USP39: variants seen among roughly 807,000 people sequenced by gnomAD.
USP39 encodes ubiquitin carboxyl-terminal hydrolase 39.
Under a neutral mutation model 66.4 loss-of-function variants are expected in USP39, and 38 were observed. The observed-to-expected ratio is 0.57, with a 90% CI of 0.44 to 0.75. USP39 has a LOEUF of 0.75. Ranked by LOEUF, USP39 falls within the 30% of genes least tolerant of loss-of-function variation. USP39 has a pLI of 0.00. For synonymous variants in USP39, 303 were observed against 274.6 expected (o/e 1.10, Z -1.02); for missense variants, 608 against 714.4 (o/e 0.85, Z 1.70).
intron 6 of USP39, among the ~76,000 whole-genome samples, chr2:85,632,117 T>C (rs1359014686): frequency 6.6e-6 from 1 of 152,190 alleles, no homozygotes; most frequent in African/African-American, 2.4e-5. Context: ...GCGGACAGTG[T>C]AACTTTGTAC....
At chr2:85,644,278 A>C (rs1043331758) in intron 10 of USP39, among the ~76,000 whole-genome samples, 1 of 152,154 alleles carries the variant, frequency 6.6e-6, no homozygotes, top group Admixed American at 6.6e-5. Context: ...TTTATGATGC[A>C]ATGTCTTTTT....
chr2:85,621,647 G>C, intron 3 of USP39, 68 bp downstream of exon 3: 1 of 1,215,440 alleles, frequency 8.2e-7, no homozygotes, highest in South Asian at 1.3e-5. Context: ...TTTAAAGAAA[G>C]TAAGCTGTTC....
chr2:85,618,575 CA>C lies in USP39; in HGVS notation c.269-635del, dbSNP rs994160298. ...AGACTCCGTCTCAAAAAAAAAAAAA[CA>C]AAAAAAAAACGAAACACACAACTAT... On this transcript the variant is annotated intron_variant, in intron 1 of 12. Transcript: ENST00000323701. Among the ~76,000 whole-genome samples, 22 of 136,918 alleles carry C rather than the reference CA, an allele frequency of 1.6e-4. 1 individual carries two copies. In the East Asian group the frequency reaches 4.8e-3, roughly 30 times the overall value. The allele number at this position is 136,918 out of a possible 152,430, so 89.8% of individuals were successfully genotyped here. A position where few individuals can be genotyped will look rare whatever the true frequency, so the allele number is the denominator to read the frequency against.
chr2:85,632,880 G>T (rs551878381), intron 6 of USP39, among the ~76,000 whole-genome samples: 8 of 152,260 alleles, frequency 5.3e-5, no homozygotes, highest in African/African-American at 1.9e-4. Context: ...AAGAGACCCT[G>T]AGTTTTAGGT....
intron 1 of USP39, among the ~76,000 whole-genome samples, chr2:85,603,892 C>G (rs1289053197): frequency 6.6e-6 from 1 of 152,144 alleles, no homozygotes; most frequent in Non-Finnish European, 1.5e-5. Context: ...TGCGCCTGGC[C>G]CGGATGTTTC....
At chr2:85,612,108 G>GC (rs532822784), upstream of USP39, 1,858 of 959,096 alleles carry the variant, frequency 1.9e-3, 29 homozygotes, top group South Asian at 0.02. Context: ...GGTCTGGGAG[G>GC]CCCCGGCCTG....
At chr2:85,642,379 G>A (rs1676301294) in intron 10 of USP39, among the ~76,000 whole-genome samples, 1 of 152,194 alleles carries the variant, frequency 6.6e-6, no homozygotes, top group South Asian at 2.1e-4. Context: ...TTCAGCACTA[G>A]CCTCTTGTGA....
At chr2:85,628,290 T>A (rs1337176362) in intron 5 of USP39, among the ~76,000 whole-genome samples, 3 of 151,926 alleles carry the variant, frequency 2.0e-5, no homozygotes, top group South Asian at 2.1e-4. Context: ...GGACTACAGG[T>A]GCGTGCCACC....
At position 85,619,290 on chromosome 2, in the gene USP39, G is replaced by T. The variant is rs1674268777; in HGVS notation, c.338+1G>T. ...GCCCGTACCTGGACACCATTAACAG[G>T]TCAGTAGGACAGAGATGCTGAGTAT... On this transcript the variant is annotated splice_donor_variant, in intron 2 of 12. Coordinates refer to ENST00000323701, the MANE Select transcript of USP39 (RefSeq NM_006590.4). LOFTEE classifies it high-confidence loss of function. The T allele has an allele frequency of 6.2e-7, 1 of 1,613,108 alleles. No individual in the cohort carries two copies. Among genetic ancestry groups the T allele is most frequent in the Non-Finnish European group, 8.5e-7 (1 of 1,179,718 alleles).
chr2:85,609,277 G>C (rs147787865), upstream of USP39, among the ~76,000 whole-genome samples: 84 of 152,348 alleles, frequency 5.5e-4, no homozygotes, highest in African/African-American at 2.0e-3. Flanking sequence ...TGAGATGGGA[G>C]TGAGTTGTGC....
chr2:85,621,857 T>A (rs965230063), intron 3 of USP39, among the ~76,000 whole-genome samples: 16 of 122,350 alleles, frequency 1.3e-4, no homozygotes, highest in South Asian at 2.8e-4. Flanking sequence ...TTTACTTTTT[T>A]AAAATTATTT....
At chr2:85,627,559 G>C (rs1310671726) in intron 5 of USP39, among the ~76,000 whole-genome samples, 1 of 152,048 alleles carries the variant, frequency 6.6e-6, no homozygotes, top group Non-Finnish European at 1.5e-5. Flanking sequence ...GGGAGGCCAA[G>C]GTGGCAGGGT....
chr2:85,648,776 G>A lies in USP39; in HGVS notation c.1666G>A (p.Asp556Asn). ...TTTCTTACAGATTTGGAAGAGGCGAGATAATGATGAAACCAACCAGCAGGG... is the reference window on the plus strand; with the variant it reads ...TTTCTTACAGATTTGGAAGAGGCGAAATAATGATGAAACCAACCAGCAGGG... ...EAYIQIWKRRDNDETNQQGA is the reference protein window; with the variant it reads ...EAYIQIWKRRNNDETNQQGA The change falls in exon 13 of 13, where the codon GAT becomes AAT. Residue 556 changes from aspartate to asparagine, a missense_variant. Coordinates refer to ENST00000323701, the MANE Select transcript of USP39 (RefSeq NM_006590.4). The A allele has an allele frequency of 1.9e-6, 3 of 1,614,156 alleles. No individual in the cohort carries two copies. Among genetic ancestry groups the A allele is most frequent in the South Asian group, 1.1e-5 (1 of 91,084 alleles).
intron 8 of USP39, 116 bp downstream of exon 8, chr2:85,637,552 A>G (rs1012316862): frequency 2.8e-6 from 3 of 1,085,864 alleles, no homozygotes; most frequent in Non-Finnish European, 4.1e-6. Context: ...GAGGTTCAAC[A>G]AAGCACCTGC....
At chr2:85,603,497 C>G (rs970213901) in intron 1 of USP39, among the ~76,000 whole-genome samples, 7 of 151,728 alleles carry the variant, frequency 4.6e-5, no homozygotes, top group African/African-American at 1.7e-4. Flanking sequence ...GAAAAGGAAA[C>G]AGGATAGTGT....
chr2:85,635,657 GT>G (rs1311535138), intron 6 of USP39, among the ~76,000 whole-genome samples: 1 of 152,160 alleles, frequency 6.6e-6, no homozygotes, highest in Non-Finnish European at 1.5e-5. Context: ...AGAACCCCTT[GT>G]TCTGTATGCC....
intron 1 of USP39, 34 bp downstream of exon 1, chr2:85,616,497 C>T (rs1469721215): frequency 4.3e-6 from 6 of 1,396,710 alleles, no homozygotes; most frequent in Non-Finnish European, 5.6e-6. Flanking sequence ...GGCGCGAGAG[C>T]CTGTTTTTTT....
chr2:85,640,447 C>T (rs1676140937), intron 9 of USP39, among the ~76,000 whole-genome samples: 1 of 151,730 alleles, frequency 6.6e-6, no homozygotes, highest in African/African-American at 2.4e-5. Flanking sequence ...TGCCACCATG[C>T]CCAGCTAATG....
chr2:85,632,583 G>C (rs188982157), intron 6 of USP39, among the ~76,000 whole-genome samples: 1,557 of 151,880 alleles, frequency 0.01, 22 homozygotes, highest in Middle Eastern at 0.027. Flanking sequence ...AAGTAGCTGG[G>C]CCTACAGGTG....
Sources: gnomAD v4.1 joint callset for allele counts (sites outside exome capture counted in the v4.1 genomes callset) on GRCh38, gnomAD v4.1.1 for gene constraint, MANE v1.5 for transcripts, NCBI Gene and HGNC (gene_info 2026-07-23, HGNC 2026-07-21) for gene names.